The following FOXN3 variants were observed in gnomAD, a reference collection of about 807,000 sequenced individuals.
The protein encoded by FOXN3 is forkhead box N3.
FOXN3 carries 7 observed loss-of-function variants against 38.4 expected under a neutral mutation model. The ratio of observed to expected loss-of-function variants is 0.18; its 90% CI spans 0.10 to 0.34. The LOEUF (loss-of-function observed/expected upper bound fraction) is 0.34. Ranked by LOEUF, FOXN3 falls within the 10% of genes least tolerant of loss-of-function variation. The probability of loss-of-function intolerance (pLI) is 1.00; values close to 1 mark genes in which losing one functional copy is unlikely to be tolerated. For synonymous variants in FOXN3, 230 were observed against 242.2 expected, an observed-to-expected ratio of 0.95 and a Z score of 0.47; for missense variants, 456 against 613.4, an observed-to-expected ratio of 0.74 and a Z score of 2.71.
At chr14:89,300,405 C>T (rs149142589) in intron 3 of FOXN3, among the ~76,000 whole-genome samples, 3 of 152,300 alleles carry the variant, frequency 2.0e-5, no homozygotes, top group African/African-American at 7.2e-5. Flanking sequence ...TGGTCTCGAA[C>T]TCCTGACCTC....
rs1356909970 is a variant in FOXN3 at position 89,164,356 on chromosome 14, C to T, written c.852-1387G>A. ...GAATTTGGCAGGGATGGGAACTGTTCTATGGCACCATGCTGGCCCGGTTTC... is the reference window on the plus strand; with the variant it reads ...GAATTTGGCAGGGATGGGAACTGTTTTATGGCACCATGCTGGCCCGGTTTC... On this transcript the variant is annotated intron_variant, in intron 5 of 5. Transcript: ENST00000557258. The surrounding 1 kb of genome is among the most constrained non-coding windows in gnomAD (Gnocchi z 4.3). 1.3e-5 allele frequency among the ~76,000 whole-genome samples: 2 copies of T among 152,202 alleles called. No individual in the cohort carries two copies. The highest frequency in any genetic ancestry group is 2.9e-5 in the Non-Finnish European group (2 of 68,028).
intron 4 of FOXN3, among the ~76,000 whole-genome samples, chr14:89,272,973 G>A (rs554320477): frequency 6.6e-6 from 1 of 152,334 alleles, no homozygotes; most frequent in African/African-American, 2.4e-5. Flanking sequence ...ATTCTTCTAT[G>A]AGGGGGCTCC....
Position 89,511,206 on chromosome 14 carries a change from T to C in FOXN3, c.-14-98716A>G, listed in dbSNP as rs368035514. Among the ~76,000 whole-genome samples, 95 of 18,412 alleles carry C rather than the reference T, an allele frequency of 5.2e-3. 5 individuals carry two copies. Among genetic ancestry groups the C allele is most frequent in the African/African-American group, 9.1e-3 (79 of 8,678 alleles). 12.1% of individuals were successfully genotyped at this position (18,412 alleles called of 152,430 possible). On this transcript the variant is annotated intron_variant, in intron 1 of 6. Coordinates refer to the FOXN3 transcript ENST00000345097. ...CTTTCTTTCTTTTCTTTCTTTCTTT[T>C]CTTTCTTTCTTTCTTTCTTTCTTTT...
At chr14:89,459,223 T>C (rs1200603635) in intron 1 of FOXN3, among the ~76,000 whole-genome samples, 3 of 152,018 alleles carry the variant, frequency 2.0e-5, no homozygotes, top group African/African-American at 4.8e-5. Context: ...TATGATGACA[T>C]AAAATGACAA....
At chr14:89,589,522 C>G (rs1895910414) in intron 1 of FOXN3, among the ~76,000 whole-genome samples, 2 of 152,126 alleles carry the variant, frequency 1.3e-5, no homozygotes, top group South Asian at 4.1e-4. Flanking sequence ...ATTTCCTATT[C>G]CCTGCTTCGA....
intron 3 of FOXN3, among the ~76,000 whole-genome samples, chr14:89,319,292 A>G (rs1887833033): frequency 6.6e-6 from 1 of 152,174 alleles, no homozygotes; most frequent in Admixed American, 6.5e-5. Context: ...TTATTTCAGC[A>G]AAAGGATATG....
chr14:89,439,657 CTTTT>C (rs35535565), intron 1 of FOXN3, among the ~76,000 whole-genome samples: 2 of 136,272 alleles, frequency 1.5e-5, no homozygotes, highest in Non-Finnish European at 3.1e-5. Context: ...TCTTTTATTC[CTTTT>C]TTTTTTTTTT....
intron 3 of FOXN3, chr14:89,349,669 CTGAT>C: frequency 6.5e-6 from 1 of 152,752 alleles, no homozygotes; most frequent in East Asian, 1.9e-4. Flanking sequence ...TTGCTGAAGA[CTGAT>C]TGTCTAGGGC....
chr14:89,168,282 G>T (rs943457616), intron 5 of FOXN3, among the ~76,000 whole-genome samples: 15 of 152,094 alleles, frequency 9.9e-5, no homozygotes, highest in African/African-American at 3.4e-4. Context: ...GGAAGATCAG[G>T]CTATATTGGA....
chr14:89,230,528 C>T (rs1389747857), intron 4 of FOXN3, among the ~76,000 whole-genome samples: 1 of 152,256 alleles, frequency 6.6e-6, no homozygotes, highest in Non-Finnish European at 1.5e-5. Context: ...ATTAAGTATA[C>T]ATAAAGGGCT....
At chr14:89,263,734 A>G (rs1352069593) in intron 4 of FOXN3, 2 of 152,236 alleles carry the variant, frequency 1.3e-5, no homozygotes, top group Non-Finnish European at 2.9e-5. Flanking sequence ...GTATGTGTAC[A>G]GCTCAGTGAA....
rs58769284 is a variant in FOXN3 at position 89,555,882 on chromosome 14, G to GTGTGTGTGGGTGT, written c.-15+63145_-15+63146insACACCCACACACA. On this transcript the variant is annotated intron_variant, in intron 1 of 6. Transcript: ENST00000345097. ...GTGTGTGTGTGTGTGTGTGTATGTG[G>GTGTGTGTGGGTGT]GGGTGTATGTGGGGGTGTGTGTGTT... is the stretch of plus-strand genomic sequence containing the variant. 2.7e-4 allele frequency among the ~76,000 whole-genome samples: 28 copies of GTGTGTGTGGGTGT among 104,664 alleles called. 2 individuals carry two copies. The highest frequency in any genetic ancestry group is 4.7e-3 in the Middle Eastern group (1 of 214). The allele number at this position is 104,664 out of a possible 152,430, so 68.7% of individuals were successfully genotyped here. A position where few individuals can be genotyped will look rare whatever the true frequency, so the allele number is the denominator to read the frequency against.
At chr14:89,538,599 A>G (rs990887790) in intron 1 of FOXN3, among the ~76,000 whole-genome samples, 1 of 151,872 alleles carries the variant, frequency 6.6e-6, no homozygotes, top group Admixed American at 6.6e-5. Context: ...GCTCACCACA[A>G]CCTCTGCCTC....
chr14:89,309,523 T>A (rs1292681038), intron 3 of FOXN3, among the ~76,000 whole-genome samples: 3 of 151,544 alleles, frequency 2.0e-5, no homozygotes, highest in African/African-American at 4.9e-5. Context: ...GAAAAAGGAA[T>A]CTGAACACTT....
intron 1 of FOXN3, among the ~76,000 whole-genome samples, chr14:89,431,071 C>G (rs1892144838): frequency 6.6e-6 from 1 of 152,222 alleles, no homozygotes; most frequent in Non-Finnish European, 1.5e-5. Context: ...TTTCCGTTGT[C>G]TGAAATGCAA....
At chr14:89,536,104 A>G (rs772716834) in intron 1 of FOXN3, among the ~76,000 whole-genome samples, 2 of 152,216 alleles carry the variant, frequency 1.3e-5, no homozygotes, top group Non-Finnish European at 2.9e-5. Flanking sequence ...CTGGAGGCAA[A>G]ATAAAGCCAC....
At chr14:89,475,632 C>G (rs58723774) in intron 1 of FOXN3, among the ~76,000 whole-genome samples, 2,743 of 152,160 alleles carry the variant, frequency 0.018, 74 homozygotes, top group African/African-American at 0.062. Context: ...TCCAGCCTGG[C>G]CAGCAGAGTG....
intron 2 of FOXN3, among the ~76,000 whole-genome samples, chr14:89,352,636 A>C (rs1889025567): frequency 6.6e-6 from 1 of 152,226 alleles, no homozygotes; most frequent in Non-Finnish European, 1.5e-5. Context: ...CATGGCTGAC[A>C]TGTGACCCAA....
chr14:89,291,701 T>A (rs1886877890), intron 3 of FOXN3: 1 of 380,758 alleles, frequency 2.6e-6, no homozygotes, highest in Admixed American at 3.5e-5. Flanking sequence ...TATACTGAAG[T>A]TTCATCACAT....
Sources: allele counts gnomAD v4.1 joint callset (sites outside exome capture counted in the v4.1 genomes callset), GRCh38; gene constraint gnomAD v4.1.1; non-coding constraint Gnocchi (gnomAD v3.1); transcripts MANE v1.5; gene names NCBI Gene and HGNC (gene_info 2026-07-23, HGNC 2026-07-21).